Variants in RGSL1 observed in about 807,000 individuals in gnomAD.
RGSL1 encodes regulator of G protein signaling protein-like.
RGSL1 carries 97 observed loss-of-function variants against 124.7 expected under a neutral mutation model. The ratio of observed to expected loss-of-function variants is 0.78; its 90% CI spans 0.66 to 0.92. RGSL1 has a LOEUF of 0.92. RGSL1 is among the 40% of genes least tolerant of loss of function. The pLI is 0.00. For missense variants in RGSL1, 1,233 were observed against 1,288.4 expected (o/e 0.96, Z 0.66); for synonymous variants, 424 against 438.1 (o/e 0.97, Z 0.40).
At chr1:182,477,785 C>A (rs1007082240) in intron 6 of RGSL1, among the ~76,000 whole-genome samples, 2 of 152,192 alleles carry the variant, frequency 1.3e-5, no homozygotes, top group Non-Finnish European at 2.9e-5. Flanking sequence ...ACATTGCCAG[C>A]TAACCAGCCC....
At chr1:182,523,435 T>C (rs1051971919) in intron 10 of RGSL1, among the ~76,000 whole-genome samples, 10 of 152,182 alleles carry the variant, frequency 6.6e-5, no homozygotes, top group African/African-American at 2.4e-4. Context: ...GCAACTGAAA[T>C]TATTCTCTGA....
At chr1:182,476,829 G>A (rs1008257057) in intron 6 of RGSL1, among the ~76,000 whole-genome samples, 1 of 151,514 alleles carries the variant, frequency 6.6e-6, no homozygotes, top group Non-Finnish European at 1.5e-5. Context: ...TGCCAGGCAC[G>A]CTGCCAGCTT....
rs531576179 is a variant in RGSL1 at position 182,551,569 on chromosome 1, G to A, written c.3043+360G>A. Among the ~76,000 whole-genome samples, 14 of 152,234 alleles carry A rather than the reference G, an allele frequency of 9.2e-5. No individual in the cohort carries two copies. In the East Asian group the frequency reaches 1.7e-3, roughly 19 times the overall value. On this transcript the variant is annotated intron_variant, in intron 18 of 21. Transcript: ENST00000294854. ...ATTAAGAAAGCATTTATTTTATAGC[G>A]TTAAGTGACAACATTAAAAACTGCA...
Position 182,550,894 on chromosome 1 carries a change from C to T in RGSL1, c.2934-206C>T, listed in dbSNP as rs41268512. On this transcript the variant is annotated intron_variant, in intron 17 of 21. Transcript: ENST00000294854. ...CCCAACAAACTGCCCATGCCAGGCC[C>T]GCGCTGGAGCCAGGTCTGGACAAAG... 2,356 of 560,346 alleles carry T rather than the reference C, an allele frequency of 4.2e-3. 9 individuals are homozygous for T. The highest frequency in any genetic ancestry group is 6.2e-3 in the Non-Finnish European group (1,971 of 316,530). 34.7% of individuals were successfully genotyped at this position (560,346 alleles called of 1,614,324 possible). A position where few individuals can be genotyped will look rare whatever the true frequency, so the allele number is the denominator to read the frequency against.
intron 4 of RGSL1, among the ~76,000 whole-genome samples, chr1:182,470,858 T>G (rs1403727221): frequency 6.6e-6 from 1 of 152,178 alleles, no homozygotes; most frequent in African/African-American, 2.4e-5. Flanking sequence ...GAAAGGAAAC[T>G]AAATATGTTT....
chr1:182,474,941 A>G (rs1558266000), intron 6 of RGSL1, among the ~76,000 whole-genome samples: 1 of 152,166 alleles, frequency 6.6e-6, no homozygotes, highest in Non-Finnish European at 1.5e-5. Context: ...TTCTGAAATC[A>G]TCCCCCCAGC....
At chr1:182,554,933 T>C in intron 20 of RGSL1, 1 of 525,340 alleles carries the variant, frequency 1.9e-6, no homozygotes. Context: ...TCTGACCCAC[T>C]TTTCAGTAGA....
intron 10 of RGSL1, among the ~76,000 whole-genome samples, chr1:182,526,401 C>T (rs1475272343): frequency 6.6e-6 from 1 of 152,120 alleles, no homozygotes; most frequent in Admixed American, 6.5e-5. Flanking sequence ...GGCATGGTGG[C>T]TCATGCCTAC....
At chr1:182,548,116 G>A (rs1660331845) in intron 15 of RGSL1, among the ~76,000 whole-genome samples, 1 of 152,130 alleles carries the variant, frequency 6.6e-6, no homozygotes, top group African/African-American at 2.4e-5. Flanking sequence ...TCACTTGAAG[G>A]GGCACTTAAC....
Position 182,530,259 on chromosome 1 carries a change from G to A in RGSL1, c.2141G>A (p.Cys714Tyr). 2.6e-6 allele frequency: 4 copies of A among 1,550,718 alleles called. No individual in the cohort carries two copies. Among genetic ancestry groups the A allele is most frequent in the East Asian group, 2.4e-5 (1 of 40,896 alleles). ...CATTTTCTAGAAGAAATGCTGCAGT[G>A]TGATGCCCCTATTATCAAAGAAATC... ...GQLSPEEMLQCDAPIIKEIAS... is the reference protein window; with the variant it reads ...GQLSPEEMLQYDAPIIKEIAS... The change falls in exon 12 of 22, where the codon TGT becomes TAT. Residue 714 changes from cysteine to tyrosine, a missense_variant. By Grantham distance (194) the Cys-to-Tyr change is radical. Coordinates refer to ENST00000294854, the MANE Select transcript of RGSL1 (RefSeq NM_001137669.2).
At chr1:182,476,623 G>A (rs972463061) in intron 6 of RGSL1, among the ~76,000 whole-genome samples, 2 of 152,284 alleles carry the variant, frequency 1.3e-5, no homozygotes, top group East Asian at 1.9e-4. Flanking sequence ...AAAACATAGT[G>A]TAATTTAACT....
intron 8 of RGSL1, among the ~76,000 whole-genome samples, chr1:182,489,829 G>A (rs1029153910): frequency 1.3e-5 from 2 of 152,182 alleles, no homozygotes; most frequent in Non-Finnish European, 2.9e-5. Context: ...CAGGTGACCT[G>A]AGATCATCTA....
In RGSL1 at chr1:182,472,463, AGT is replaced by A. The variant is rs767677472; in HGVS notation, c.371_372del (p.Val124GlufsTer27). ...TGAGCATAGATGAGATGGACCTGGA[AGT>A]GAGAGACTACTACCTGTCCCTCCTC... The part of the protein sequence containing the change: ...ILSIDEMDLE[V>X]RDYYLSLLLM... On this transcript the variant is annotated frameshift_variant, in exon 5 of 22. Coordinates refer to ENST00000294854, the MANE Select transcript of RGSL1 (RefSeq NM_001137669.2). LOFTEE classifies it high-confidence loss of function. 6 of 1,551,250 alleles carry A rather than the reference AGT, an allele frequency of 3.9e-6. No individual in the cohort carries two copies. Among genetic ancestry groups the A allele is most frequent in the Non-Finnish European group, 5.2e-6 (6 of 1,146,676 alleles).
At chr1:182,550,971 GCTTTCCT>G in intron 17 of RGSL1, 122 bp from the exon 18 acceptor site, 2 of 649,266 alleles carry the variant, frequency 3.1e-6, no homozygotes, top group South Asian at 3.8e-5. Context: ...AGGCCAGGAT[GCTTTCCT>G]CTTCTCTGTT....
In RGSL1 at chr1:182,548,250, T is replaced by G. The variant is rs1571710582; in HGVS notation, c.2670-67T>G. On this transcript the variant is annotated intron_variant, in intron 15 of 21. Coordinates refer to ENST00000294854, the MANE Select transcript of RGSL1 (RefSeq NM_001137669.2). ...TTTTGGGCCAGAAATGAGTCTAGGC[T>G]GGGTGCCTTGTTAGTCACTGTTTTC... 3 of 1,523,324 alleles carry G rather than the reference T, an allele frequency of 2.0e-6. No homozygotes were observed. In the East Asian group the frequency reaches 7.4e-5, roughly 37 times the overall value. 94.4% of individuals were successfully genotyped at this position (1,523,324 alleles called of 1,614,324 possible).
intron 8 of RGSL1, 54 bp from the exon 9 acceptor site, chr1:182,492,968 T>A (rs1655644657): frequency 8.1e-7 from 1 of 1,232,764 alleles, no homozygotes; most frequent in Admixed American, 2.0e-5. Flanking sequence ...TATGAATCTT[T>A]GAACCCAGAC....
chr1:182,496,700 C>T (rs775256265), intron 9 of RGSL1, among the ~76,000 whole-genome samples: 1 of 152,196 alleles, frequency 6.6e-6, no homozygotes, highest in Admixed American at 6.5e-5. Flanking sequence ...CTGGGTCCCC[C>T]TAACATCTGG....
At chr1:182,541,766 G>C (rs10797780) in intron 15 of RGSL1, among the ~76,000 whole-genome samples, 78,829 of 151,886 alleles carry the variant, frequency 0.52, 20,713 homozygotes, top group Non-Finnish European at 0.55. Context: ...TGATAATAGC[G>C]ACTTTAACTA....
At chr1:182,551,306 G>A in intron 18 of RGSL1, 97 bp downstream of exon 18, 1 of 985,168 alleles carries the variant, frequency 1.0e-6, no homozygotes, top group Non-Finnish European at 1.5e-6. Flanking sequence ...ACTTCCTTGA[G>A]GGTGTTTGCT....
Sources: allele counts gnomAD v4.1 joint callset (sites outside exome capture counted in the v4.1 genomes callset), GRCh38; gene constraint gnomAD v4.1.1; transcripts MANE v1.5; gene names NCBI Gene and HGNC (gene_info 2026-07-23, HGNC 2026-07-21).